MEOX1: variants seen among roughly 807,000 people sequenced by gnomAD.
The protein encoded by MEOX1 is homeobox protein MOX-1.
Under a neutral mutation model 23.2 loss-of-function variants are expected in MEOX1, and 17 were observed. That is an observed-to-expected ratio of 0.73 (90% CI 0.50 to 1.10). The LOEUF (loss-of-function observed/expected upper bound fraction) is 1.10, where lower values mean the gene tolerates loss of function less well. Among genes scored for constraint, MEOX1 ranks in the 50% least tolerant of loss-of-function variants. MEOX1 has a pLI of 0.00. For missense variants in MEOX1, 333 were observed against 332.2 expected, an observed-to-expected ratio of 1.00 and a Z score of -0.02; for synonymous variants, 134 against 135.1, an observed-to-expected ratio of 0.99 and a Z score of 0.06.
chr17:43,659,514 G>A (rs1257977759), intron 1 of MEOX1, among the ~76,000 whole-genome samples: 2 of 152,100 alleles, frequency 1.3e-5, no homozygotes, highest in East Asian at 1.9e-4. Flanking sequence ...GGGTGATACC[G>A]GGGGCCTGAA....
intron 1 of MEOX1, among the ~76,000 whole-genome samples, chr17:43,660,765 C>T (rs1009000272): frequency 2.6e-5 from 4 of 152,180 alleles, no homozygotes; most frequent in South Asian, 2.1e-4. Flanking sequence ...CACCAGCCCT[C>T]GCCAGTCTGC....
At chr17:43,657,067 CTTCT>C (rs376080696) in intron 1 of MEOX1, among the ~76,000 whole-genome samples, 8,984 of 92,456 alleles carry the variant, frequency 0.097, 617 homozygotes, top group African/African-American at 0.21. Flanking sequence ...TCCTTCCTTC[CTTCT>C]TTCTTTCTTT....
At chr17:43,649,848 C>T (rs117682215) in intron 1 of MEOX1, among the ~76,000 whole-genome samples, 4,773 of 152,300 alleles carry the variant, frequency 0.031, 118 homozygotes, top group Middle Eastern at 0.089. Flanking sequence ...TGTGAGGGAA[C>T]AGTCAAATGC....
At position 43,643,505 on chromosome 17, in the gene MEOX1, C is replaced by T. The variant is rs1347902740; in HGVS notation, c.625G>A (p.Asp209Asn). 1.3e-6 allele frequency: 2 copies of T among 1,597,346 alleles called. No individual in the cohort carries two copies. Among genetic ancestry groups the T allele is most frequent in the Admixed American group, 1.7e-5 (1 of 57,262 alleles). The change falls in exon 2 of 3, where the codon GAC (aspartate) becomes AAC (asparagine). Residue 209 changes from aspartate (D) to asparagine (N), a missense_variant. Coordinates refer to ENST00000318579, the MANE Select transcript of MEOX1 (RefSeq NM_004527.4). ...LRRYEIAVNL[D>N]LSERQVKVWF... is the part of the protein sequence containing the mutation. ...GGGCGCACCTGGCGCTCAGAGAGGT[C>T]CAGGTTTACCGCAATCTCATATCTG...
chr17:43,648,133 C>T (rs1237096058), intron 1 of MEOX1, among the ~76,000 whole-genome samples: 1 of 152,214 alleles, frequency 6.6e-6, no homozygotes, highest in Non-Finnish European at 1.5e-5. Flanking sequence ...TTCGGTCACC[C>T]TGCTCATGGG....
rs1484761348 is a variant in MEOX1, at chr17:43,661,611, C to T, written c.-77G>A. 18 of 829,984 alleles carry T rather than the reference C, an allele frequency of 2.2e-5. No homozygotes were observed. The highest frequency in any genetic ancestry group is 2.8e-5 in the Non-Finnish European group (18 of 632,458). The allele number at this position is 829,984 out of a possible 1,614,324, so 51.4% of individuals were successfully genotyped here. On this transcript the variant is annotated 5_prime_UTR_variant, in exon 1 of 3. Transcript: ENST00000318579. ...TTTTATGTTCAAATTTTTAAAAATG[C>T]AAAAGAAAAAAAACTAAATAGGAGG...
chr17:43,650,978 T>C (rs1567745285), intron 1 of MEOX1, among the ~76,000 whole-genome samples: 1 of 152,054 alleles, frequency 6.6e-6, no homozygotes, highest in African/African-American at 2.4e-5. Context: ...GGCCAGGGAA[T>C]TCAAGGGATA....
intron 1 of MEOX1, among the ~76,000 whole-genome samples, chr17:43,656,743 C>T (rs1349537798): frequency 6.6e-6 from 1 of 152,216 alleles, no homozygotes; most frequent in East Asian, 1.9e-4. Context: ...CCCTTGAACC[C>T]CATGAGGAAA....
intron 1 of MEOX1, among the ~76,000 whole-genome samples, chr17:43,654,055 G>T (rs1972967479): frequency 6.6e-6 from 1 of 152,182 alleles, no homozygotes; most frequent in Non-Finnish European, 1.5e-5. Flanking sequence ...GTCCTGTACA[G>T]TCCCTATAAG....
intron 1 of MEOX1, among the ~76,000 whole-genome samples, chr17:43,654,280 G>C (rs187384876): frequency 1.3e-5 from 2 of 152,008 alleles, no homozygotes; most frequent in African/African-American, 2.4e-5. Flanking sequence ...AGGCCAAGGC[G>C]GGCGGATCAC....
intron 1 of MEOX1, among the ~76,000 whole-genome samples, chr17:43,655,970 C>T (rs116509621): frequency 5.3e-5 from 8 of 152,158 alleles, no homozygotes; most frequent in Non-Finnish European, 1.0e-4. Flanking sequence ...ACTGTTAAGA[C>T]GGTAACTTTT....
chr17:43,655,047 G>A (rs780780616), intron 1 of MEOX1, among the ~76,000 whole-genome samples: 10 of 151,610 alleles, frequency 6.6e-5, no homozygotes, highest in Admixed American at 2.0e-4. Flanking sequence ...GTGAGACTCC[G>A]TCTCAAAAAA....
At position 43,661,052 on chromosome 17, in the gene MEOX1, C is replaced by A; in HGVS notation, c.469+14G>T. On this transcript the variant is annotated intron_variant, in intron 1 of 2. Transcript: ENST00000318579. ...CACAGTAAAGGAATGATCAGCTGCT[C>A]CTGAGCCACCTACCTGAACTCTCCT... The A allele has an allele frequency of 6.8e-7, 1 of 1,473,528 alleles. No homozygotes were observed. Among genetic ancestry groups the A allele is most frequent in the South Asian group, 1.4e-5 (1 of 69,578 alleles). The allele number at this position is 1,473,528 out of a possible 1,614,324, so 91.3% of individuals were successfully genotyped here.
intron 1 of MEOX1, among the ~76,000 whole-genome samples, chr17:43,654,502 G>T (rs372237766): frequency 6.6e-6 from 1 of 151,514 alleles, no homozygotes; most frequent in African/African-American, 2.4e-5. Context: ...CAAGACTCTT[G>T]TCTCAAAAAA....
chr17:43,656,986 C>A (rs999098152), intron 1 of MEOX1, among the ~76,000 whole-genome samples: 1 of 142,730 alleles, frequency 7.0e-6, no homozygotes, highest in Non-Finnish European at 1.5e-5. Flanking sequence ...TGTTCATTTT[C>A]TTTCTTTCTT....
At chr17:43,647,076 C>T (rs987691367) in intron 1 of MEOX1, among the ~76,000 whole-genome samples, 20 of 152,212 alleles carry the variant, frequency 1.3e-4, no homozygotes, top group Non-Finnish European at 4.4e-5. Flanking sequence ...GGGATAGAAA[C>T]AGATGCACTT....
chr17:43,656,050 C>A (rs1454733602), intron 1 of MEOX1, among the ~76,000 whole-genome samples: 1 of 152,062 alleles, frequency 6.6e-6, no homozygotes, highest in Non-Finnish European at 1.5e-5. Flanking sequence ...AGGTAAGAAA[C>A]CTCAGAAGAG....
intron 1 of MEOX1, among the ~76,000 whole-genome samples, chr17:43,657,113 CTCTG>C (rs1385450151): frequency 7.2e-6 from 1 of 139,296 alleles, no homozygotes; most frequent in African/African-American, 2.7e-5. Context: ...CTCTTTTTCT[CTCTG>C]TCTCCTTCCT....
intron 1 of MEOX1, among the ~76,000 whole-genome samples, chr17:43,654,992 C>CAGTG (rs1972988590): frequency 1.3e-5 from 2 of 152,046 alleles, no homozygotes; most frequent in Middle Eastern, 3.4e-3. Flanking sequence ...GCGGAGCTTG[C>CAGTG]AGTGAGCTGA....
Sources: gnomAD v4.1 joint callset for allele counts (sites outside exome capture counted in the v4.1 genomes callset) on GRCh38, gnomAD v4.1.1 for gene constraint, MANE v1.5 for transcripts, NCBI Gene and HGNC (gene_info 2026-07-23, HGNC 2026-07-21) for gene names.